Variants in UST observed in about 807,000 individuals in gnomAD.
UST encodes chondroitin sulfate 2-O-sulfotransferase.
A neutral mutation model predicts 45.6 loss-of-function variants in UST; 21 were observed. That is an observed-to-expected ratio of 0.46 (90% CI 0.33 to 0.66). The LOEUF is 0.66. Ranked by LOEUF, UST falls within the 30% of genes least tolerant of loss-of-function variation. The probability of loss-of-function intolerance (pLI) is 0.02; values close to 1 mark genes in which losing one functional copy is unlikely to be tolerated. For missense variants in UST, 463 were observed against 512.4 expected (o/e 0.90, Z 0.93); for synonymous variants, 215 against 200.6 (o/e 1.07, Z -0.61).
At chr6:148,895,205 T>C (rs1779102578) in intron 2 of UST, among the ~76,000 whole-genome samples, 1 of 152,168 alleles carries the variant, frequency 6.6e-6, no homozygotes, top group Non-Finnish European at 1.5e-5. Flanking sequence ...CTCATCATTC[T>C]CATGTTTTTA....
chr6:148,888,191 G>A (rs1486468942), intron 2 of UST, among the ~76,000 whole-genome samples: 1 of 152,166 alleles, frequency 6.6e-6, no homozygotes, highest in African/African-American at 2.4e-5. Context: ...GCCAGAGCAG[G>A]AACAAGAGGG....
chr6:149,016,341 C>T (rs772830950), intron 5 of UST, among the ~76,000 whole-genome samples: 1 of 152,228 alleles, frequency 6.6e-6, no homozygotes, highest in Non-Finnish European at 1.5e-5. Context: ...CCGCCCTCCC[C>T]TCACCAGCCA....
rs74535838 is a variant in UST at position 148,768,555 on chromosome 6, A to G, written c.247+20878A>G. ...ATCCCATCAGATACAAATTCTCTAT[A>G]TTTTCTTCTCATTCTATTGTTATTT... On this transcript the variant is annotated intron_variant, in intron 1 of 7. Coordinates refer to ENST00000367463, the MANE Select transcript of UST (RefSeq NM_005715.3). 7.2e-3 allele frequency among the ~76,000 whole-genome samples: 1,092 copies of G among 151,944 alleles called. 13 individuals carry two copies. Among genetic ancestry groups the G allele is most frequent in the African/African-American group, 0.023 (966 of 41,430 alleles).
At chr6:148,928,717 G>A (rs1345614147) in intron 2 of UST, among the ~76,000 whole-genome samples, 1 of 152,184 alleles carries the variant, frequency 6.6e-6, no homozygotes, top group African/African-American at 2.4e-5. Context: ...TATGAAAAAG[G>A]TATACTTGTG....
intron 6 of UST, 65 bp downstream of exon 6, chr6:149,019,301 T>TGG: frequency 8.4e-7 from 1 of 1,187,784 alleles, no homozygotes; most frequent in Admixed American, 1.7e-5. Flanking sequence ...CCCACCAGCC[T>TGG]GGTACTCGGT....
intron 5 of UST, among the ~76,000 whole-genome samples, chr6:149,008,635 G>T (rs2486419): frequency 0.3 from 45,596 of 152,026 alleles, 7,160 homozygotes; most frequent in African/African-American, 0.4. Flanking sequence ...AAAATACAGC[G>T]GAATAAGACT....
chr6:149,024,689 C>T (rs1562332556), intron 7 of UST, among the ~76,000 whole-genome samples: 2 of 152,266 alleles, frequency 1.3e-5, no homozygotes, highest in Non-Finnish European at 2.9e-5. Flanking sequence ...GTTACTTCAC[C>T]ATCTCATCTT....
At chr6:148,863,063 G>A (rs1778351453) in intron 1 of UST, among the ~76,000 whole-genome samples, 1 of 152,138 alleles carries the variant, frequency 6.6e-6, no homozygotes, top group Non-Finnish European at 1.5e-5. Flanking sequence ...GGTTGGGGCA[G>A]TTCTCCTGGA....
At chr6:148,812,461 A>G (rs1582827290) in intron 1 of UST, among the ~76,000 whole-genome samples, 1 of 152,198 alleles carries the variant, frequency 6.6e-6, no homozygotes, top group Admixed American at 6.5e-5. Context: ...TATCTCATGC[A>G]GTTTCTGGGG....
At chr6:148,784,541 G>C (rs1220964675) in intron 1 of UST, among the ~76,000 whole-genome samples, 1 of 152,208 alleles carries the variant, frequency 6.6e-6, no homozygotes, top group African/African-American at 2.4e-5. Context: ...ACCTCTGTCT[G>C]TATCTAAGCT....
chr6:149,025,593 A>G (rs1327982568), intron 7 of UST, among the ~76,000 whole-genome samples: 2 of 152,240 alleles, frequency 1.3e-5, no homozygotes, highest in African/African-American at 4.8e-5. Context: ...ACTCGGTAGA[A>G]GCAACCTCAC....
intron 1 of UST, among the ~76,000 whole-genome samples, chr6:148,817,801 A>C (rs1777383804): frequency 6.6e-6 from 1 of 152,158 alleles, no homozygotes; most frequent in Non-Finnish European, 1.5e-5. Context: ...ATCATGAGGC[A>C]TGTCCTACTT....
At chr6:148,969,242 G>A (rs1780865726) in intron 5 of UST, among the ~76,000 whole-genome samples, 1 of 152,152 alleles carries the variant, frequency 6.6e-6, no homozygotes, top group African/African-American at 2.4e-5. Flanking sequence ...CTAAGGCATT[G>A]TTTTTCTTAA....
At chr6:148,985,476 A>C (rs991562423) in intron 5 of UST, among the ~76,000 whole-genome samples, 1 of 152,080 alleles carries the variant, frequency 6.6e-6, no homozygotes, top group Admixed American at 6.5e-5. Flanking sequence ...AATCAGAGGA[A>C]AAAAGTTCTG....
chr6:149,036,031 C>T (rs911469674), intron 7 of UST, among the ~76,000 whole-genome samples: 2 of 152,168 alleles, frequency 1.3e-5, no homozygotes, highest in Admixed American at 1.3e-4. Context: ...TGGGAACAGG[C>T]GCTGAAGGTT....
chr6:149,007,197 G>A lies in UST; in HGVS notation c.682-11942G>A, dbSNP rs145888463. Among the ~76,000 whole-genome samples, 1,062 of 130,818 alleles carry A rather than the reference G, an allele frequency of 8.1e-3. 13 individuals carry two copies. Among genetic ancestry groups the A allele is most frequent in the African/African-American group, 0.029 (983 of 34,076 alleles). The allele number at this position is 130,818 out of a possible 152,430, so 85.8% of individuals were successfully genotyped here. A position where few individuals can be genotyped will look rare whatever the true frequency, so the allele number is the denominator to read the frequency against. ...TGCAGTGGTGTGGTCTTGGCTCACT[G>A]TAACCTCCACCTCCCAGGTTCAAGC... On this transcript the variant is annotated intron_variant, in intron 5 of 7. Transcript: ENST00000367463.
chr6:148,769,141 C>T (rs1404214977), intron 1 of UST, among the ~76,000 whole-genome samples: 1 of 152,244 alleles, frequency 6.6e-6, no homozygotes, highest in African/African-American at 2.4e-5. Flanking sequence ...CTTGCACATA[C>T]ACCCTTTGGG....
chr6:148,881,149 C>G (rs2114836178), intron 1 of UST, among the ~76,000 whole-genome samples: 1 of 152,238 alleles, frequency 6.6e-6, no homozygotes, highest in South Asian at 2.1e-4. Context: ...GCATGGAGTT[C>G]CCAGGGATGG....
chr6:149,050,319 C>T (rs944266737), intron 7 of UST, among the ~76,000 whole-genome samples: 1 of 152,160 alleles, frequency 6.6e-6, no homozygotes, highest in South Asian at 2.1e-4. Flanking sequence ...TTTAGCAAAT[C>T]GGATGGGGAC....
Sources: allele counts gnomAD v4.1 joint callset (sites outside exome capture counted in the v4.1 genomes callset), GRCh38; gene constraint gnomAD v4.1.1; transcripts MANE v1.5; gene names NCBI Gene and HGNC (gene_info 2026-07-23, HGNC 2026-07-21).